CDH12: variants seen among roughly 807,000 people sequenced by gnomAD.
CDH12 encodes the protein cadherin 12.
CDH12 carries 41 observed loss-of-function variants against 74.1 expected under a neutral mutation model. The ratio of observed to expected loss-of-function variants is 0.55; its 90% confidence interval spans 0.43 to 0.72. CDH12 has a LOEUF of 0.72. CDH12 is among the 30% of genes least tolerant of loss of function. The pLI is 0.00. For synonymous variants in CDH12, 399 were observed against 355.0 expected (o/e 1.12, Z -1.39); for missense variants, 945 against 977.2 (o/e 0.97, Z 0.44).
At chr5:21,951,147 C>T (rs1053836443) in intron 6 of CDH12, among the ~76,000 whole-genome samples, 1 of 151,936 alleles carries the variant, frequency 6.6e-6, no homozygotes, top group Admixed American at 6.6e-5. Flanking sequence ...ATTTTACATT[C>T]CATTGCCATT....
intron 11 of CDH12, among the ~76,000 whole-genome samples, chr5:21,781,012 T>G (rs1279676878): frequency 6.6e-6 from 1 of 152,178 alleles, no homozygotes; most frequent in African/African-American, 2.4e-5. Flanking sequence ...ACTGTCATTC[T>G]CTTCTCCCTA....
At chr5:22,382,167 A>G (rs1741786193) in intron 3 of CDH12, among the ~76,000 whole-genome samples, 1 of 145,438 alleles carries the variant, frequency 6.9e-6, no homozygotes, top group African/African-American at 2.5e-5. Flanking sequence ...ATACTATTTT[A>G]TTATATATTT....
At chr5:22,023,037 C>A (rs1485351850) in intron 5 of CDH12, among the ~76,000 whole-genome samples, 1 of 152,090 alleles carries the variant, frequency 6.6e-6, no homozygotes, top group East Asian at 1.9e-4. Flanking sequence ...TTAACCCCCC[C>A]ATTAACTCTT....
intron 1 of CDH12, among the ~76,000 whole-genome samples, chr5:22,600,412 T>C (rs534470802): frequency 4.3e-4 from 66 of 152,308 alleles, no homozygotes; most frequent in Non-Finnish European, 7.4e-4. Flanking sequence ...TATGTATCTC[T>C]AGTTTTAGCA....
intron 1 of CDH12, among the ~76,000 whole-genome samples, chr5:22,534,204 A>AT (rs1264806732): frequency 6.6e-6 from 1 of 150,890 alleles, no homozygotes; most frequent in Non-Finnish European, 1.5e-5. Flanking sequence ...TTTTTTTTTA[A>AT]TTTTTTTATT....
chr5:22,467,158 C>G (rs955094050), intron 2 of CDH12, among the ~76,000 whole-genome samples: 5 of 152,108 alleles, frequency 3.3e-5, no homozygotes, highest in African/African-American at 1.2e-4. Flanking sequence ...CCCACAGATC[C>G]AGGCTGCCCC....
chr5:22,509,242 A>T (rs1347745826), intron 1 of CDH12, among the ~76,000 whole-genome samples: 4 of 152,196 alleles, frequency 2.6e-5, no homozygotes, highest in Admixed American at 1.3e-4. Flanking sequence ...TTCCCTTCAG[A>T]CTAGGACTAC....
At chr5:22,177,459 A>T (rs1015384175) in intron 4 of CDH12, among the ~76,000 whole-genome samples, 5 of 152,182 alleles carry the variant, frequency 3.3e-5, no homozygotes, top group Non-Finnish European at 7.3e-5. Flanking sequence ...ATGTAGCACA[A>T]GTAGATATAG....
rs146983991 is a variant in CDH12, at chr5:22,526,661, G to C, written c.-522-21297C>G. Among the ~76,000 whole-genome samples the C allele has an allele frequency of 4.4e-3, 665 of 152,264 alleles. 6 individuals carry two copies. The highest frequency in any genetic ancestry group is 0.015 in the African/African-American group (626 of 41,548). On this transcript the variant is annotated intron_variant, in intron 1 of 14. Transcript: ENST00000382254. ...ATTTTCCAAGATCCATCTGTCTTCA[G>C]CACTGGCCAAACAGATGAGTTGAAT...
chr5:21,888,003 A>T (rs2150041016), intron 6 of CDH12, among the ~76,000 whole-genome samples: 1 of 152,248 alleles, frequency 6.6e-6, no homozygotes, highest in Non-Finnish European at 1.5e-5. Context: ...TGATCTAAAC[A>T]AAAAGTCTGA....
At chr5:21,981,222 G>A (rs16900715) in intron 5 of CDH12, among the ~76,000 whole-genome samples, 2,810 of 152,074 alleles carry the variant, frequency 0.018, 45 homozygotes, top group African/African-American at 0.041. Flanking sequence ...AAAACACTAC[G>A]TGATATCTGA....
intron 1 of CDH12, among the ~76,000 whole-genome samples, chr5:22,546,118 G>A (rs149147797): frequency 3.9e-5 from 6 of 152,042 alleles, no homozygotes; most frequent in African/African-American, 1.4e-4. Context: ...CTTATTTTTT[G>A]CGTTTTTAGT....
intron 5 of CDH12, among the ~76,000 whole-genome samples, chr5:22,043,276 T>A (rs2150185359): frequency 6.6e-6 from 1 of 152,274 alleles, no homozygotes; most frequent in African/African-American, 2.4e-5. Flanking sequence ...CCTAGTGATA[T>A]AAACATGAAT....
At chr5:22,318,010 T>A (rs1475934966) in intron 3 of CDH12, among the ~76,000 whole-genome samples, 2 of 152,246 alleles carry the variant, frequency 1.3e-5, no homozygotes, top group Non-Finnish European at 2.9e-5. Context: ...AGTTTTTCTT[T>A]CTTCCATCTT....
At chr5:22,466,037 G>C (rs533436321) in intron 2 of CDH12, among the ~76,000 whole-genome samples, 1 of 152,188 alleles carries the variant, frequency 6.6e-6, no homozygotes, top group South Asian at 2.1e-4. Flanking sequence ...TCAGCCTCTT[G>C]CCTACTCCTG....
chr5:22,396,201 A>G lies in CDH12; in HGVS notation c.-333+9056T>C, dbSNP rs1742450194. Among the ~76,000 whole-genome samples, 3 of 152,256 alleles carry G rather than the reference A, an allele frequency of 2.0e-5. No individual in the cohort carries two copies. In the South Asian group the frequency reaches 6.2e-4, roughly 32 times the overall value. On this transcript the variant is annotated intron_variant, in intron 3 of 14. Transcript: ENST00000382254. ...GAACCATGTAAATATTATCAAAAAT[A>G]AGCAATTTTTTCTGTTCAGTGTTTC...
At chr5:22,318,590 G>A (rs925205336) in intron 3 of CDH12, among the ~76,000 whole-genome samples, 2 of 152,130 alleles carry the variant, frequency 1.3e-5, no homozygotes, top group African/African-American at 4.8e-5. Flanking sequence ...ATCTGGAATT[G>A]AGGCAATCCA....
chr5:22,200,616 A>C (rs559238385), intron 4 of CDH12, among the ~76,000 whole-genome samples: 1 of 152,308 alleles, frequency 6.6e-6, no homozygotes, highest in East Asian at 1.9e-4. Flanking sequence ...TACCATGATA[A>C]GTGTTTTGAA....
At chr5:21,921,037 A>G (rs893562520) in intron 6 of CDH12, among the ~76,000 whole-genome samples, 1 of 152,194 alleles carries the variant, frequency 6.6e-6, no homozygotes, top group African/African-American at 2.4e-5. Flanking sequence ...ACATACAGAA[A>G]AACCTTTTCC....
Sources: allele counts gnomAD v4.1 joint callset (sites outside exome capture counted in the v4.1 genomes callset), GRCh38; gene constraint gnomAD v4.1.1; transcripts MANE v1.5; gene names NCBI Gene and HGNC (gene_info 2026-07-23, HGNC 2026-07-21).